The following IQGAP2 variants were observed in gnomAD, a reference collection of about 807,000 sequenced individuals.
IQGAP2 encodes ras GTPase-activating-like protein IQGAP2.
In IQGAP2, 173 loss-of-function variants were observed where a neutral mutation model predicts 201.3. The observed-to-expected ratio is 0.86, with a 90% CI of 0.76 to 0.98. The LOEUF (loss-of-function observed/expected upper bound fraction) is 0.98, where lower values mean the gene tolerates loss of function less well. Among genes scored for constraint, IQGAP2 ranks in the 50% least tolerant of loss-of-function variants. IQGAP2 has a pLI of 0.00. For missense variants in IQGAP2, 1,687 were observed against 1,864.8 expected (o/e 0.90, Z 1.76); for synonymous variants, 675 against 673.9 (o/e 1.00, Z -0.03).
intron 8 of IQGAP2, among the ~76,000 whole-genome samples, chr5:76,590,803 T>C (rs912748289): frequency 4.6e-5 from 7 of 152,162 alleles, no homozygotes; most frequent in African/African-American, 1.4e-4. Context: ...AGGAATTTTA[T>C]AGTCCAGGCA....
chr5:76,432,780 G>C (rs907979727), intron 1 of IQGAP2, among the ~76,000 whole-genome samples: 1 of 152,122 alleles, frequency 6.6e-6, no homozygotes, highest in Non-Finnish European at 1.5e-5. Context: ...TGAGAAGATC[G>C]GCTCATCACA....
chr5:76,574,800 A>C (rs1405056986), intron 4 of IQGAP2, among the ~76,000 whole-genome samples: 5 of 152,168 alleles, frequency 3.3e-5, no homozygotes, highest in African/African-American at 4.8e-5. Context: ...ATTATCCAAA[A>C]TAATCAGATG....
Position 76,474,333 on chromosome 5 carries a change from A to T in IQGAP2, c.146+12664A>T, listed in dbSNP as rs186808266. 1.5e-4 allele frequency among the ~76,000 whole-genome samples: 23 copies of T among 152,370 alleles called. No individual in the cohort carries two copies. In the East Asian group the frequency reaches 4.2e-3, roughly 28 times the overall value. On this transcript the variant is annotated intron_variant, in intron 2 of 35. Transcript: ENST00000274364. ...AAGTAGAAAGCTCAATAAAGAAAAA[A>T]TATAAACATGAATATTAAACTTATT...
At chr5:76,572,022 C>T (rs986291883) in intron 4 of IQGAP2, among the ~76,000 whole-genome samples, 1 of 152,144 alleles carries the variant, frequency 6.6e-6, no homozygotes, top group Admixed American at 6.5e-5. Context: ...TTGCATCCCT[C>T]CCCCAGCCCT....
chr5:76,417,935 G>A lies in IQGAP2; in HGVS notation c.46+14344G>A, dbSNP rs1402166397. ...TGAAATGAGATTTTCCTGGCTGGGC[G>A]CGGTGGCTCACACCTGTAATCCCAG... is the stretch of plus-strand genomic sequence containing the variant. On this transcript the variant is annotated intron_variant, in intron 1 of 35. Coordinates refer to ENST00000274364, the MANE Select transcript of IQGAP2 (RefSeq NM_006633.5). Among the ~76,000 whole-genome samples, 6 of 151,356 alleles carry A rather than the reference G, an allele frequency of 4.0e-5. No individual in the cohort carries two copies. In the East Asian group the frequency reaches 7.9e-4, roughly 20 times the overall value.
chr5:76,434,125 T>C (rs1440720055), intron 1 of IQGAP2, among the ~76,000 whole-genome samples: 1 of 152,176 alleles, frequency 6.6e-6, no homozygotes, highest in East Asian at 1.9e-4. Context: ...TTGGTTCAGG[T>C]TGACTACTGG....
chr5:76,432,128 C>CTTTTTTTTT (rs70982606), intron 1 of IQGAP2, among the ~76,000 whole-genome samples: 1,345 of 95,198 alleles, frequency 0.014, 148 homozygotes, highest in Middle Eastern at 0.043. Flanking sequence ...TTTCTTTCTT[C>CTTTTTTTTT]TTTTTTTTTT....
chr5:76,677,793 T>TTGG (rs1405633435), intron 28 of IQGAP2, among the ~76,000 whole-genome samples: 1 of 151,980 alleles, frequency 6.6e-6, no homozygotes, highest in Admixed American at 6.6e-5. Flanking sequence ...CTAGCCGGGT[T>TTGG]TGGTGGTACA....
At chr5:76,535,723 TTTTGTTTG>T (rs746511320) in intron 2 of IQGAP2, among the ~76,000 whole-genome samples, 4 of 152,168 alleles carry the variant, frequency 2.6e-5, no homozygotes, top group African/African-American at 9.7e-5. Context: ...ACTACTGTTA[TTTTGTTTG>T]TTTGTTTGTT....
At chr5:76,576,101 A>C (rs1010543688) in intron 5 of IQGAP2, among the ~76,000 whole-genome samples, 2 of 152,230 alleles carry the variant, frequency 1.3e-5, no homozygotes, top group Non-Finnish European at 2.9e-5. Flanking sequence ...GTTATGACCT[A>C]GTTTACAAAT....
Position 76,618,933 on chromosome 5 carries a change from A to T in IQGAP2, c.1521+7750A>T, listed in dbSNP as rs141538835. On this transcript the variant is annotated intron_variant, in intron 13 of 35. Transcript: ENST00000274364. ...CCATCAGAACATTATAGGCATGTTG[A>T]CTACAAACTATACAGGCATTCAGAC... Among the ~76,000 whole-genome samples the T allele has an allele frequency of 4.4e-3, 678 of 152,360 alleles. 3 individuals are homozygous for T. The highest frequency in any genetic ancestry group is 8.1e-3 in the Non-Finnish European group (548 of 68,034).
At chr5:76,688,270 G>A (rs1159679406) in intron 30 of IQGAP2, among the ~76,000 whole-genome samples, 1 of 152,128 alleles carries the variant, frequency 6.6e-6, no homozygotes, top group Non-Finnish European at 1.5e-5. Flanking sequence ...CTGCTTTTTT[G>A]TGAAACAGAT....
intron 2 of IQGAP2, among the ~76,000 whole-genome samples, chr5:76,558,313 A>G (rs1157615757): frequency 6.6e-6 from 1 of 151,814 alleles, no homozygotes; most frequent in Non-Finnish European, 1.5e-5. Flanking sequence ...CCCCTCACAC[A>G]TATACCCCAA....
chr5:76,477,781 G>C (rs1307517899), intron 2 of IQGAP2, among the ~76,000 whole-genome samples: 1 of 152,072 alleles, frequency 6.6e-6, no homozygotes, highest in African/African-American at 2.4e-5. Flanking sequence ...AAGATGTGGA[G>C]GTGGAAGACA....
chr5:76,660,079 GAGA>G (rs1743119413), intron 21 of IQGAP2: 1 of 149,088 alleles, frequency 6.7e-6, no homozygotes, highest in Non-Finnish European at 1.5e-5. Flanking sequence ...TGGAAGCTCT[GAGA>G]AGGCTACAGT....
chr5:76,611,141 C>T lies in IQGAP2; in HGVS notation c.1479C>T (p.His493=), dbSNP rs774469893. 2 of 1,613,750 alleles carry T rather than the reference C, an allele frequency of 1.2e-6. No homozygotes were observed. Among genetic ancestry groups the T allele is most frequent in the African/African-American group, 1.3e-5 (1 of 74,922 alleles). ...ATGTGGACCCAGCCCATGCCCAGCA[C>T]TACCAGGATGTTTTATACCATGCTA... ...ISDVDPAHAQ[H]YQDVLYHAKS... is the part of the protein sequence containing the mutation. The change falls in exon 13 of 36, where the codon CAC becomes CAT. Residue 493 remains histidine (H), a synonymous_variant. Coordinates refer to ENST00000274364, the MANE Select transcript of IQGAP2 (RefSeq NM_006633.5).
intron 30 of IQGAP2, among the ~76,000 whole-genome samples, chr5:76,688,435 A>C (rs370940274): frequency 1.3e-5 from 2 of 152,194 alleles, no homozygotes; most frequent in East Asian, 1.9e-4. Flanking sequence ...TGCTAGTCTC[A>C]TAATTCTTAC....
chr5:76,596,320 C>G (rs56147374), intron 9 of IQGAP2, among the ~76,000 whole-genome samples: 1,930 of 152,316 alleles, frequency 0.013, 14 homozygotes, highest in Non-Finnish European at 0.022. Context: ...TAAGGCAAAA[C>G]TCTGCAATCT....
At chr5:76,623,534 C>G (rs1024049395) in intron 13 of IQGAP2, 2 of 309,860 alleles carry the variant, frequency 6.5e-6, no homozygotes. Context: ...TGCTGTAATT[C>G]TCCCCTAGTA....
Sources: allele counts gnomAD v4.1 joint callset (sites outside exome capture counted in the v4.1 genomes callset), GRCh38; gene constraint gnomAD v4.1.1; transcripts MANE v1.5; gene names NCBI Gene and HGNC (gene_info 2026-07-23, HGNC 2026-07-21).